CDH12: variants seen among roughly 807,000 people sequenced by gnomAD.
The protein encoded by CDH12 is cadherin 12.
A neutral mutation model predicts 74.1 loss-of-function variants in CDH12; 41 were observed. The observed-to-expected ratio is 0.55, with a 90% CI of 0.43 to 0.72. The LOEUF (loss-of-function observed/expected upper bound fraction) is 0.72, where lower values mean the gene tolerates loss of function less well. Ranked by LOEUF, CDH12 falls within the 30% of genes least tolerant of loss-of-function variation. The pLI is 0.00. For synonymous variants in CDH12, 399 were observed against 355.0 expected (o/e 1.12, Z -1.39); for missense variants, 945 against 977.2 (o/e 0.97, Z 0.44).
At chr5:22,014,925 T>C (rs1395443970) in intron 5 of CDH12, among the ~76,000 whole-genome samples, 4 of 152,130 alleles carry the variant, frequency 2.6e-5, no homozygotes, top group African/African-American at 9.7e-5. Flanking sequence ...TGCAGAATAT[T>C]TTAAGTTATA....
At chr5:22,125,881 C>T (rs1439727738) in intron 4 of CDH12, among the ~76,000 whole-genome samples, 7 of 151,900 alleles carry the variant, frequency 4.6e-5, no homozygotes, top group African/African-American at 1.7e-4. Flanking sequence ...TTTGTTTATT[C>T]CAAAATTATG....
chr5:22,394,315 A>G (rs1182128225), intron 3 of CDH12, among the ~76,000 whole-genome samples: 2 of 152,174 alleles, frequency 1.3e-5, no homozygotes, highest in Non-Finnish European at 2.9e-5. Flanking sequence ...TAGGTTTTTG[A>G]GACTGTTATA....
intron 6 of CDH12, among the ~76,000 whole-genome samples, chr5:21,868,291 CT>C (rs1424527794): frequency 1.3e-5 from 2 of 150,694 alleles, no homozygotes; most frequent in Non-Finnish European, 2.9e-5. Flanking sequence ...TCCAGTATGC[CT>C]TTATCAGCAG....
At chr5:21,840,494 G>C (rs1244590043) in intron 8 of CDH12, among the ~76,000 whole-genome samples, 1 of 151,198 alleles carries the variant, frequency 6.6e-6, no homozygotes, top group Admixed American at 6.6e-5. Flanking sequence ...TCACAGAATT[G>C]GAAAAAACTA....
intron 1 of CDH12, among the ~76,000 whole-genome samples, chr5:22,523,815 C>G (rs1737151624): frequency 6.6e-6 from 1 of 151,882 alleles, no homozygotes; most frequent in South Asian, 2.1e-4. Context: ...AGCATATGGC[C>G]CTGGAATATA....
chr5:21,946,671 A>G (rs1343071658), intron 6 of CDH12, among the ~76,000 whole-genome samples: 2 of 152,214 alleles, frequency 1.3e-5, no homozygotes, highest in Non-Finnish European at 2.9e-5. Context: ...TGCATATATC[A>G]TGGTGGTCCC....
At chr5:21,827,010 T>C (rs192440687) in intron 8 of CDH12, among the ~76,000 whole-genome samples, 46 of 152,232 alleles carry the variant, frequency 3.0e-4, no homozygotes, top group Admixed American at 1.8e-3. Flanking sequence ...ACTATCGTGA[T>C]GTCTTGAACA....
intron 1 of CDH12, among the ~76,000 whole-genome samples, chr5:22,526,845 C>A (rs1267441327): frequency 6.6e-6 from 1 of 152,112 alleles, no homozygotes; most frequent in African/African-American, 2.4e-5. Context: ...ACTATAATAT[C>A]CCTCACACTA....
At chr5:22,175,025 T>A (rs1432829583) in intron 4 of CDH12, among the ~76,000 whole-genome samples, 1 of 151,982 alleles carries the variant, frequency 6.6e-6, no homozygotes, top group Non-Finnish European at 1.5e-5. Flanking sequence ...AGAGTTAAAT[T>A]AATATTTTAA....
Position 22,552,474 on chromosome 5 carries a change from G to C in CDH12, c.-522-47110C>G, listed in dbSNP as rs539215371. The stretch of plus-strand genomic sequence containing the variant: ...GACAGATTTTCACTCTGTTGCCCAG[G>C]CTGGAGTGCAGTGGCATGATCTTGG... On this transcript the variant is annotated intron_variant, in intron 1 of 14. Transcript: ENST00000382254. Among the ~76,000 whole-genome samples the C allele has an allele frequency of 1.1e-4, 16 of 151,208 alleles. No homozygotes were observed. The South Asian group carries it at 3.3e-3, about 32-fold the overall frequency.
intron 4 of CDH12, among the ~76,000 whole-genome samples, chr5:22,168,699 A>G (rs1236309718): frequency 6.6e-6 from 1 of 151,576 alleles, no homozygotes; most frequent in Non-Finnish European, 1.5e-5. Context: ...ATGGACACAT[A>G]TTATTTGTGT....
At chr5:21,759,403 C>T (rs557489986) in intron 13 of CDH12, among the ~76,000 whole-genome samples, 2 of 151,160 alleles carry the variant, frequency 1.3e-5, no homozygotes, top group African/African-American at 4.9e-5. Context: ...CAAACCATGT[C>T]TCTCCCTCCC....
intron 1 of CDH12, among the ~76,000 whole-genome samples, chr5:22,553,021 CTTGT>C (rs1017386201): frequency 6.6e-6 from 1 of 152,090 alleles, no homozygotes; most frequent in Non-Finnish European, 1.5e-5. Flanking sequence ...GGCATTTCTA[CTTGT>C]TTGTTTCCAA....
intron 6 of CDH12, among the ~76,000 whole-genome samples, chr5:21,917,027 C>T (rs372058375): frequency 1.3e-5 from 2 of 152,198 alleles, no homozygotes; most frequent in East Asian, 3.9e-4. Flanking sequence ...GGTCATAGAG[C>T]TGCCTTCTGC....
At chr5:22,448,762 T>C (rs891627356) in intron 2 of CDH12, among the ~76,000 whole-genome samples, 3 of 152,046 alleles carry the variant, frequency 2.0e-5, no homozygotes, top group Non-Finnish European at 4.4e-5. Flanking sequence ...ACAAAGAGTA[T>C]ATATTTCCTA....
At chr5:22,654,592 G>A (rs906016163) in intron 1 of CDH12, among the ~76,000 whole-genome samples, 2 of 144,762 alleles carry the variant, frequency 1.4e-5, no homozygotes, top group African/African-American at 5.1e-5. Context: ...ATCCGGCCTC[G>A]ATGTATTCTT....
At chr5:22,654,638 G>A (rs6452085) in intron 1 of CDH12, among the ~76,000 whole-genome samples, 1 of 128,172 alleles carries the variant, frequency 7.8e-6, no homozygotes, top group East Asian at 2.1e-4. Context: ...TTTTTTTTTT[G>A]TTGTTGTTGT....
chr5:22,756,045 G>T (rs2920107), intron 1 of CDH12, among the ~76,000 whole-genome samples: 1 of 116,922 alleles, frequency 8.6e-6, no homozygotes, highest in African/African-American at 3.2e-5. Flanking sequence ...TCCTTCTTTA[G>T]AAATGACAGA....
At chr5:21,828,776 A>G (rs997852311) in intron 8 of CDH12, among the ~76,000 whole-genome samples, 3 of 151,502 alleles carry the variant, frequency 2.0e-5, no homozygotes, top group African/African-American at 4.9e-5. Flanking sequence ...TACTTTACAT[A>G]TTTCTATGTA....
Sources: allele counts gnomAD v4.1 joint callset (sites outside exome capture counted in the v4.1 genomes callset), GRCh38; gene constraint gnomAD v4.1.1; transcripts MANE v1.5; gene names NCBI Gene and HGNC (gene_info 2026-07-23, HGNC 2026-07-21).